AGAP1: variants seen among roughly 807,000 people sequenced by gnomAD.
AGAP1 encodes arf-GAP with GTPase, ANK repeat and PH domain-containing protein 1.
Under a neutral mutation model 105.3 loss-of-function variants are expected in AGAP1, and 29 were observed. That is an observed-to-expected ratio of 0.28 (90% confidence interval 0.21 to 0.38). The LOEUF (loss-of-function observed/expected upper bound fraction) is 0.38. Among genes scored for constraint, AGAP1 ranks in the 10% least tolerant of loss-of-function variants. The pLI is 1.00. For missense variants in AGAP1, 998 were observed against 1,165.1 expected, an observed-to-expected ratio of 0.86 and a Z score of 2.09; for synonymous variants, 509 against 485.9, an observed-to-expected ratio of 1.05 and a Z score of -0.63.
chr2:235,782,166 A>G (rs1956303784), intron 6 of AGAP1, among the ~76,000 whole-genome samples: 1 of 152,188 alleles, frequency 6.6e-6, no homozygotes, highest in East Asian at 1.9e-4. Flanking sequence ...CACCAAGAGC[A>G]TGGCATTTGA....
In AGAP1 at chr2:235,639,826, A is replaced by G. The variant is rs1413292305; in HGVS notation, c.164-69353A>G. On this transcript the variant is annotated intron_variant, in intron 1 of 17. Coordinates refer to ENST00000304032, the MANE Select transcript of AGAP1 (RefSeq NM_001037131.3). This position sits in a 1 kb window ranked among gnomAD's most constrained non-coding sequence, Gnocchi z 5.3. ...TAAGAGCAGGTTAAACTGTTCTCGG[A>G]CTTCTTTTTGGATTATTTGCAACGT... Among the ~76,000 whole-genome samples the G allele has an allele frequency of 1.3e-5, 2 of 152,092 alleles. No individual in the cohort carries two copies. Among genetic ancestry groups the G allele is most frequent in the African/African-American group, 2.4e-5 (1 of 41,406 alleles).
Position 236,124,418 on chromosome 2 carries a change from CCT to C in AGAP1, c.*297_*298del. 1 of 436,590 alleles carries C rather than the reference CCT, an allele frequency of 2.3e-6. No individual in the cohort carries two copies. The highest frequency in any genetic ancestry group is 4.2e-6 in the Non-Finnish European group (1 of 238,342). The allele number at this position is 436,590 out of a possible 1,614,324, so 27.0% of individuals were successfully genotyped here. A position where few individuals can be genotyped will look rare whatever the true frequency, so the allele number is the denominator to read the frequency against. On this transcript the variant is annotated 3_prime_UTR_variant, in exon 18 of 18. Coordinates refer to ENST00000304032, the MANE Select transcript of AGAP1 (RefSeq NM_001037131.3). The surrounding 1 kb of genome is among the most constrained non-coding windows in gnomAD (Gnocchi z 5.1). Reference sequence around the variant, plus strand: ...TTGATGATAGCACATGGCGCAGGACCCTTGTCCTGGTGGCACAAGGGATGGGG... The same window carrying C: ...TTGATGATAGCACATGGCGCAGGACCTGTCCTGGTGGCACAAGGGATGGGG...
intron 9 of AGAP1, among the ~76,000 whole-genome samples, chr2:235,851,344 G>A (rs2048441997): frequency 1.3e-5 from 2 of 152,208 alleles, no homozygotes; most frequent in South Asian, 4.1e-4. Flanking sequence ...CCATGGAATG[G>A]TGAAGATGCT....
At chr2:236,079,606 A>G (rs2058730960) in intron 16 of AGAP1, among the ~76,000 whole-genome samples, 2 of 151,708 alleles carry the variant, frequency 1.3e-5, no homozygotes, top group African/African-American at 4.8e-5. Flanking sequence ...ACATACATAC[A>G]TATATATATA....
chr2:235,763,203 C>T (rs528576128), intron 6 of AGAP1, among the ~76,000 whole-genome samples: 86 of 152,066 alleles, frequency 5.7e-4, no homozygotes, highest in South Asian at 1.9e-3. Context: ...CTCCAAAATC[C>T]GAAATGTTTT....
rs113426089 is a variant in AGAP1, at chr2:235,750,627, C to G, written c.673+139C>G. On this transcript the variant is annotated intron_variant, in intron 6 of 17. Coordinates refer to ENST00000304032, the MANE Select transcript of AGAP1 (RefSeq NM_001037131.3). The surrounding 1 kb of genome is among the most constrained non-coding windows in gnomAD (Gnocchi z 5.3). ...GGTGGGCATTAGTATCGAGAGCAGT[C>G]CATTCCAGAGGCAATTCTCAGGTAT... 7.1e-3 allele frequency: 8,866 copies of G among 1,255,100 alleles called. 243 individuals carry two copies. Among genetic ancestry groups the G allele is most frequent in the African/African-American group, 0.067 (4,582 of 68,082 alleles). 77.7% of individuals were successfully genotyped at this position (1,255,100 alleles called of 1,614,324 possible).
At position 235,976,381 on chromosome 2, in the gene AGAP1, A is replaced by C. The variant is rs2054858481; in HGVS notation, c.1645+7758A>C. ...AGGGTACAGTCCGGCCGCCACAAAC[A>C]CACACAAGCAGTAAGCGCTCTCAGA... On this transcript the variant is annotated intron_variant, in intron 13 of 17. Transcript: ENST00000304032. The surrounding 1 kb of genome is among the most constrained non-coding windows in gnomAD (Gnocchi z 4.5). Among the ~76,000 whole-genome samples, 1 of 152,172 alleles carries C rather than the reference A, an allele frequency of 6.6e-6. No individual in the cohort carries two copies. The highest frequency in any genetic ancestry group is 2.1e-4 in the South Asian group (1 of 4,830).
intron 1 of AGAP1, among the ~76,000 whole-genome samples, chr2:235,681,300 T>C (rs1032021909): frequency 2.0e-5 from 3 of 152,070 alleles, no homozygotes; most frequent in African/African-American, 4.8e-5. Flanking sequence ...TGAGCCACCA[T>C]GCCCGGCAAT....
intron 1 of AGAP1, among the ~76,000 whole-genome samples, chr2:235,652,277 G>C (rs1315182724): frequency 6.6e-6 from 1 of 152,120 alleles, no homozygotes; most frequent in African/African-American, 2.4e-5. Flanking sequence ...CTTGTCAGGA[G>C]ATGGCCATCT....
rs35813316 is a variant in AGAP1, at chr2:235,869,420, TAAAAAAA to T, written c.1051-13900_1051-13894del. On this transcript the variant is annotated intron_variant, in intron 9 of 17. Coordinates refer to ENST00000304032, the MANE Select transcript of AGAP1 (RefSeq NM_001037131.3). ...CAACATGGTGAAACTCCATCTCTAC[TAAAAAAA>T]AAAAAAAAAAAAAAAAAAAAAAAAT... Among the ~76,000 whole-genome samples the T allele has an allele frequency of 1.4e-3, 70 of 49,956 alleles. No individual in the cohort carries two copies. The East Asian group carries it at 0.015, about 11-fold the overall frequency. 32.8% of individuals were successfully genotyped at this position (49,956 alleles called of 152,430 possible).
intron 1 of AGAP1, among the ~76,000 whole-genome samples, chr2:235,627,601 C>T (rs558377955): frequency 2.0e-5 from 3 of 152,170 alleles, no homozygotes; most frequent in African/African-American, 2.4e-5. Context: ...GTCCACTGCC[C>T]GTGGGGCTTA....
Position 235,577,869 on chromosome 2 carries a change from T to G in AGAP1, c.163+83020T>G, listed in dbSNP as rs535724555. Among the ~76,000 whole-genome samples, 1 of 152,050 alleles carries G rather than the reference T, an allele frequency of 6.6e-6. No homozygotes were observed. Among genetic ancestry groups the G allele is most frequent in the East Asian group, 1.9e-4 (1 of 5,170 alleles). ...GCTCGCTGGGACCTGATAGTTCGCC[T>G]TTGTACGGATGAAAAAAACCAAACA... is the stretch of plus-strand genomic sequence containing the variant. On this transcript the variant is annotated intron_variant, in intron 1 of 17. Transcript: ENST00000304032. This position sits in a 1 kb window ranked among gnomAD's most constrained non-coding sequence, Gnocchi z 4.5.
intron 1 of AGAP1, among the ~76,000 whole-genome samples, chr2:235,675,758 C>G (rs1290695047): frequency 6.6e-6 from 1 of 152,214 alleles, no homozygotes; most frequent in East Asian, 1.9e-4. Flanking sequence ...AGGGAACCTT[C>G]TAAGTCACCG....
Position 235,787,724 on chromosome 2 carries a change from C to G in AGAP1, c.674-10035C>G, listed in dbSNP as rs994354559. Among the ~76,000 whole-genome samples, 5 of 152,186 alleles carry G rather than the reference C, an allele frequency of 3.3e-5. No individual in the cohort carries two copies. Among genetic ancestry groups the G allele is most frequent in the Non-Finnish European group, 7.3e-5 (5 of 68,038 alleles). Reference sequence around the variant, plus strand: ...CTTGACACATTAAAGGGAAAAGCAGCCAACTCCACATATTAAAGAATGGGC... The same window carrying G: ...CTTGACACATTAAAGGGAAAAGCAGGCAACTCCACATATTAAAGAATGGGC... On this transcript the variant is annotated intron_variant, in intron 6 of 17. Coordinates refer to ENST00000304032, the MANE Select transcript of AGAP1 (RefSeq NM_001037131.3). The surrounding 1 kb of genome is among the most constrained non-coding windows in gnomAD (Gnocchi z 4.4).
Position 235,655,220 on chromosome 2 carries a change from TAGAC to T in AGAP1, c.164-53956_164-53953del, listed in dbSNP as rs1360012228. On this transcript the variant is annotated intron_variant, in intron 1 of 17. Coordinates refer to ENST00000304032, the MANE Select transcript of AGAP1 (RefSeq NM_001037131.3). This position sits in a 1 kb window ranked among gnomAD's most constrained non-coding sequence, Gnocchi z 4.3. ...AATTAAATGTACAGAAGCTGGAAGG[TAGAC>T]AGGTCGTTGTCTCCATTTTTGTTCT... Among the ~76,000 whole-genome samples, 5 of 152,180 alleles carry T rather than the reference TAGAC, an allele frequency of 3.3e-5. No homozygotes were observed. The highest frequency in any genetic ancestry group is 6.5e-5 in the Admixed American group (1 of 15,280).
At position 235,577,346 on chromosome 2, in the gene AGAP1, T is replaced by C. The variant is rs1338473474; in HGVS notation, c.163+82497T>C. ...CATCGCACATTTCAATTCGGCCACATTTTAGTGCTCAGTAGCACCTGTGGC... is the reference window on the plus strand; with the variant it reads ...CATCGCACATTTCAATTCGGCCACACTTTAGTGCTCAGTAGCACCTGTGGC... On this transcript the variant is annotated intron_variant, in intron 1 of 17. Coordinates refer to ENST00000304032, the MANE Select transcript of AGAP1 (RefSeq NM_001037131.3). The surrounding 1 kb of genome is among the most constrained non-coding windows in gnomAD (Gnocchi z 4.5). 2.0e-5 allele frequency among the ~76,000 whole-genome samples: 3 copies of C among 152,196 alleles called. No individual in the cohort carries two copies. The highest frequency in any genetic ancestry group is 4.4e-5 in the Non-Finnish European group (3 of 68,040).
chr2:235,889,185 G>A lies in AGAP1; in HGVS notation c.1155+5736G>A, dbSNP rs1011883133. On this transcript the variant is annotated intron_variant, in intron 10 of 17. Transcript: ENST00000304032. This position sits in a 1 kb window ranked among gnomAD's most constrained non-coding sequence, Gnocchi z 4.6. ...CCAGCTCTTGGCCAAACAAACAGTC[G>A]GTATGTGGCCGTGCTGTGCACCGAG... is the stretch of plus-strand genomic sequence containing the variant. Among the ~76,000 whole-genome samples the A allele has an allele frequency of 6.6e-6, 1 of 152,138 alleles. No individual in the cohort carries two copies. The highest frequency in any genetic ancestry group is 6.5e-5 in the Admixed American group (1 of 15,272).
At chr2:235,818,125 C>T (rs1440268859) in intron 9 of AGAP1, among the ~76,000 whole-genome samples, 3 of 152,238 alleles carry the variant, frequency 2.0e-5, no homozygotes, top group Non-Finnish European at 4.4e-5. Context: ...GAATCAACCA[C>T]ATTATTATCG....
In AGAP1 at chr2:235,724,710, A is replaced by G. The variant is rs983667606; in HGVS notation, c.310+7066A>G. Among the ~76,000 whole-genome samples the G allele has an allele frequency of 2.6e-5, 4 of 152,244 alleles. No homozygotes were observed. Among genetic ancestry groups the G allele is most frequent in the Non-Finnish European group, 5.9e-5 (4 of 68,044 alleles). On this transcript the variant is annotated intron_variant, in intron 3 of 17. Transcript: ENST00000304032. The surrounding 1 kb of genome is among the most constrained non-coding windows in gnomAD (Gnocchi z 4.9). ...AAAATACCAGGTGCTAAGAGTAATT[A>G]TAACTACCAGGTAAGGACCAGTGAG...
Sources: allele counts gnomAD v4.1 joint callset (sites outside exome capture counted in the v4.1 genomes callset), GRCh38; gene constraint gnomAD v4.1.1; non-coding constraint Gnocchi (gnomAD v3.1); transcripts MANE v1.5; gene names NCBI Gene and HGNC (gene_info 2026-07-23, HGNC 2026-07-21).